COL11A1: variants seen among roughly 807,000 people sequenced by gnomAD.
COL11A1 encodes the protein collagen alpha-1(XI) chain.
In COL11A1, 74 loss-of-function variants were observed where a neutral mutation model predicts 265.2. The observed-to-expected ratio is 0.28, with a 90% confidence interval of 0.23 to 0.34. The LOEUF (loss-of-function observed/expected upper bound fraction) is 0.34, where lower values mean the gene tolerates loss of function less well. Among genes scored for constraint, COL11A1 ranks in the 10% least tolerant of loss-of-function variants. The pLI is 1.00. For missense variants in COL11A1, 2,165 were observed against 2,263.6 expected, an observed-to-expected ratio of 0.96 and a Z score of 0.88; for synonymous variants, 816 against 727.6, an observed-to-expected ratio of 1.12 and a Z score of -1.96.
chr1:102,938,144 C>T (rs533099447), intron 44 of COL11A1, among the ~76,000 whole-genome samples: 2 of 151,936 alleles, frequency 1.3e-5, no homozygotes, highest in African/African-American at 2.4e-5. Context: ...TTTGGGATTC[C>T]ATCAATTCTA....
chr1:102,931,306 T>G (rs1450066479), intron 46 of COL11A1, among the ~76,000 whole-genome samples: 6 of 150,980 alleles, frequency 4.0e-5, no homozygotes, highest in Admixed American at 1.3e-4. Flanking sequence ...TTGTTCTCAT[T>G]GGTTTCAAAG....
intron 49 of COL11A1, among the ~76,000 whole-genome samples, chr1:102,917,628 C>T (rs1041619178): frequency 2.0e-5 from 3 of 151,772 alleles, no homozygotes; most frequent in African/African-American, 7.3e-5. Context: ...CGTAGTAACC[C>T]TCTATATGTT....
At chr1:102,913,057 G>A (rs1466804300) in intron 53 of COL11A1, among the ~76,000 whole-genome samples, 1 of 152,176 alleles carries the variant, frequency 6.6e-6, no homozygotes, top group East Asian at 1.9e-4. Context: ...GAATAAGCCT[G>A]TATCTGTGAT....
At chr1:102,937,532 C>A (rs4908277) in intron 44 of COL11A1, among the ~76,000 whole-genome samples, 4 of 151,968 alleles carry the variant, frequency 2.6e-5, no homozygotes, top group African/African-American at 4.8e-5. Flanking sequence ...AAGGTGGATC[C>A]ATCAGGAATA....
In COL11A1 at chr1:102,888,669, G is replaced by A. The variant is rs946274863; in HGVS notation, c.4555-39C>T. ...GAGAGAGGACATAAATAAAGAAGAG[G>A]CAATTAAATAGGTTTCAATGCAAAA... On this transcript the variant is annotated intron_variant, in intron 61 of 66. Transcript: ENST00000370096. 6 of 1,613,342 alleles carry A rather than the reference G, an allele frequency of 3.7e-6. No individual in the cohort carries two copies. The African/African-American group carries it at 5.3e-5, about 14-fold the overall frequency.
chr1:102,912,380 T>C (rs1654794018), intron 53 of COL11A1, among the ~76,000 whole-genome samples, 168 bp from the exon 54 acceptor site: 2 of 152,172 alleles, frequency 1.3e-5, no homozygotes, highest in Admixed American at 1.3e-4. Context: ...TCTAGATATT[T>C]ATAGTTAGAG....
intron 38 of COL11A1, among the ~76,000 whole-genome samples, chr1:102,963,038 A>G (rs1661071651): frequency 6.6e-6 from 1 of 152,196 alleles, no homozygotes; most frequent in African/African-American, 2.4e-5. Flanking sequence ...TAATTTCTGC[A>G]GAGTGTGGCC....
Position 102,969,829 on chromosome 1 carries a change from A to G in COL11A1, c.2862+390T>C, listed in dbSNP as rs796591940. ...AGAATGTGGTATTATGATCATGGCTATTCGTAATCTGTTGCCTTTAGAGTG... is the reference window on the plus strand; with the variant it reads ...AGAATGTGGTATTATGATCATGGCTGTTCGTAATCTGTTGCCTTTAGAGTG... On this transcript the variant is annotated intron_variant, in intron 37 of 66. Coordinates refer to ENST00000370096, the MANE Select transcript of COL11A1 (RefSeq NM_001854.4). 5.3e-5 allele frequency among the ~76,000 whole-genome samples: 8 copies of G among 152,270 alleles called. 1 individual carries two copies. The highest frequency in any genetic ancestry group is 1.9e-4 in the African/African-American group (8 of 41,580).
chr1:102,951,508 T>C (rs1659874637), intron 41 of COL11A1, among the ~76,000 whole-genome samples: 1 of 152,030 alleles, frequency 6.6e-6, no homozygotes, highest in Admixed American at 6.5e-5. Context: ...CCATCCTGGC[T>C]AACACGGTGA....
chr1:103,027,396 A>AATATATATATATATAT (rs57013059), intron 5 of COL11A1, among the ~76,000 whole-genome samples: 5 of 92,072 alleles, frequency 5.4e-5, no homozygotes, highest in Non-Finnish European at 6.2e-5. Context: ...TTAAAACTCT[A>AATATATATATATATAT]ATATATATAT....
At chr1:103,001,066 A>G in intron 24 of COL11A1, 1 of 396,664 alleles carries the variant, frequency 2.5e-6, no homozygotes, top group Non-Finnish European at 4.5e-6. Flanking sequence ...AAATATTCAG[A>G]AAACTCAAAT....
At chr1:102,931,189 T>C (rs1037553695) in intron 46 of COL11A1, among the ~76,000 whole-genome samples, 2 of 147,148 alleles carry the variant, frequency 1.4e-5, no homozygotes, top group Non-Finnish European at 3.0e-5. Context: ...GATGTTAGGG[T>C]GTCAATTTTG....
chr1:102,993,776 C>G (rs534794169), intron 28 of COL11A1, among the ~76,000 whole-genome samples: 13 of 152,278 alleles, frequency 8.5e-5, no homozygotes, highest in Admixed American at 3.3e-4. Context: ...TGGGCTCAAA[C>G]AATTCTACTG....
Position 102,961,683 on chromosome 1 carries a change from C to T in COL11A1, c.3168+183G>A, listed in dbSNP as rs998664483. ...GCAGAAGCAAATATTTCCAATCATC[C>T]AAACCCTTCTGTTTCTGCATTCATT... On this transcript the variant is annotated intron_variant, in intron 41 of 66. Transcript: ENST00000370096. 5.0e-6 allele frequency: 3 copies of T among 601,632 alleles called. No homozygotes were observed. In the South Asian group the frequency reaches 5.5e-5, roughly 11 times the overall value. 37.3% of individuals were successfully genotyped at this position (601,632 alleles called of 1,614,324 possible).
At chr1:102,883,477 G>C (rs1217888977) in intron 63 of COL11A1, among the ~76,000 whole-genome samples, 166 bp from the exon 64 acceptor site, 1 of 152,088 alleles carries the variant, frequency 6.6e-6, no homozygotes, top group Non-Finnish European at 1.5e-5. Context: ...AATAAAGAGT[G>C]ATACTTTCTC....
chr1:102,894,854 A>C (rs12736509), intron 57 of COL11A1, among the ~76,000 whole-genome samples: 13,367 of 151,938 alleles, frequency 0.088, 703 homozygotes, highest in Middle Eastern at 0.16. Flanking sequence ...TGGCTTACTG[A>C]AACCTCCGCC....
chr1:102,999,294 A>T (rs527337398), intron 24 of COL11A1, among the ~76,000 whole-genome samples: 1 of 152,028 alleles, frequency 6.6e-6, no homozygotes, highest in Non-Finnish European at 1.5e-5. Context: ...TAGAACAAAA[A>T]TGAATTAAAA....
Position 102,886,820 on chromosome 1 carries a change from A to G in COL11A1, c.4845T>C (p.Pro1615=). Residue 1615 remains proline (P), a synonymous_variant, in exon 63 of 67, where the codon CCT becomes CCC. Transcript: ENST00000370096. The part of the protein sequence containing the change: ...RTCKDLQLSH[P]DFPDGEYWID... ...TTATTTACATACCATCTGGGAAGTCAGGATGGCTGAGTTGCAGGTCTTTAC... is the reference window on the plus strand; with the variant it reads ...TTATTTACATACCATCTGGGAAGTCGGGATGGCTGAGTTGCAGGTCTTTAC... 1 of 1,613,938 alleles carries G rather than the reference A, an allele frequency of 6.2e-7. No homozygotes were observed. Among genetic ancestry groups the G allele is most frequent in the East Asian group, 2.2e-5 (1 of 44,876 alleles).
chr1:103,017,959 G>A, intron 10 of COL11A1, 77 bp from the exon 11 acceptor site: 1 of 1,114,494 alleles, frequency 9.0e-7, no homozygotes, highest in Non-Finnish European at 1.4e-6. Flanking sequence ...TAGTCCTATC[G>A]AAGAGTTCGT....
Sources: gnomAD v4.1 joint callset for allele counts (sites outside exome capture counted in the v4.1 genomes callset) on GRCh38, gnomAD v4.1.1 for gene constraint, MANE v1.5 for transcripts, NCBI Gene and HGNC (gene_info 2026-07-23, HGNC 2026-07-21) for gene names.